The following BRINP3 variants were observed in gnomAD, a reference collection of about 807,000 sequenced individuals.
BRINP3 encodes BMP/retinoic acid inducible neural specific 3.
BRINP3 carries 19 observed loss-of-function variants against 71.0 expected under a neutral mutation model. The ratio of observed to expected loss-of-function variants is 0.27; its 90% CI spans 0.19 to 0.39. The LOEUF is 0.39. Ranked by LOEUF, BRINP3 falls within the 10% of genes least tolerant of loss-of-function variation. The pLI is 1.00. For synonymous variants in BRINP3, 380 were observed against 337.7 expected, an observed-to-expected ratio of 1.13 and a Z score of -1.37; for missense variants, 959 against 940.8, an observed-to-expected ratio of 1.02 and a Z score of -0.25.
chr1:190,264,959 T>C lies in BRINP3; in HGVS notation c.524A>G (p.Glu175Gly), dbSNP rs199548567. 5 of 1,613,012 alleles carry C rather than the reference T, an allele frequency of 3.1e-6. No individual in the cohort carries two copies. In the East Asian group the frequency reaches 1.1e-4, roughly 36 times the overall value. The stretch of plus-strand genomic sequence containing the variant: ...AGAAGCGGCTAGCTGATGTAGCGTC[T>C]CCAGAGTGACCGAAGAGCTATTGGT... Reference protein sequence around the residue: ...STTNSSSVTLETLHQLAASYF... With the variant: ...STTNSSSVTLGTLHQLAASYF... The change falls in exon 4 of 8, where the codon GAG (glutamate) becomes GGG (glycine). Residue 175 changes from glutamate to glycine, a missense_variant. Transcript: ENST00000367462.
intron 4 of BRINP3, among the ~76,000 whole-genome samples, chr1:190,247,696 T>C (rs1659736274): frequency 6.6e-6 from 1 of 151,608 alleles, no homozygotes; most frequent in Admixed American, 6.6e-5. Flanking sequence ...CTCTCTACTT[T>C]CAGGAATTCC....
Position 190,098,318 on chromosome 1 carries a change from T to A in BRINP3, c.2001A>T (p.Gln667His), listed in dbSNP as rs1334034798. The change falls in exon 8 of 8, where the codon CAA becomes CAT. Residue 667 changes from glutamine to histidine, a missense_variant. Coordinates refer to ENST00000367462, the MANE Select transcript of BRINP3 (RefSeq NM_199051.3). ...NLGYMKINNI[Q>H]VFGYSMHFDP... Reference sequence around the variant, plus strand: ...CAAAGTGCATGCTGTAGCCAAACACTTGAATGTTATTGATTTTCATATAGC... The same window carrying A: ...CAAAGTGCATGCTGTAGCCAAACACATGAATGTTATTGATTTTCATATAGC... The A allele has an allele frequency of 3.1e-6, 5 of 1,614,170 alleles. No individual in the cohort carries two copies. Among genetic ancestry groups the A allele is most frequent in the Admixed American group, 1.7e-5 (1 of 60,012 alleles).
chr1:190,238,615 C>T (rs1290130781), intron 4 of BRINP3, among the ~76,000 whole-genome samples: 2 of 152,056 alleles, frequency 1.3e-5, no homozygotes, highest in African/African-American at 4.8e-5. Flanking sequence ...GTCTTATAAG[C>T]ATACAAAGCC....
At chr1:190,319,728 G>A (rs1666112176) in intron 2 of BRINP3, among the ~76,000 whole-genome samples, 1 of 151,978 alleles carries the variant, frequency 6.6e-6, no homozygotes, top group Non-Finnish European at 1.5e-5. Flanking sequence ...CACCAAGGGG[G>A]ATGATGTGTG....
intron 2 of BRINP3, among the ~76,000 whole-genome samples, chr1:190,363,131 A>T (rs957265097): frequency 6.6e-6 from 1 of 152,166 alleles, no homozygotes; most frequent in Non-Finnish European, 1.5e-5. Context: ...GAGAGGGCCT[A>T]TTGGGATAGT....
At chr1:190,143,566 A>C (rs1655637957) in intron 7 of BRINP3, among the ~76,000 whole-genome samples, 1 of 152,190 alleles carries the variant, frequency 6.6e-6, no homozygotes, top group Non-Finnish European at 1.5e-5. Flanking sequence ...ACACCCCCAA[A>C]ACTGAGTTAT....
intron 2 of BRINP3, among the ~76,000 whole-genome samples, chr1:190,327,206 T>C (rs2103068005): frequency 6.7e-6 from 1 of 149,168 alleles, no homozygotes; most frequent in South Asian, 2.1e-4. Flanking sequence ...TCCCGGCTAC[T>C]TGGAAGGCTG....
At chr1:190,354,653 C>T (rs1001168087) in intron 2 of BRINP3, among the ~76,000 whole-genome samples, 1 of 151,870 alleles carries the variant, frequency 6.6e-6, no homozygotes, top group African/African-American at 2.4e-5. Context: ...TTAATTGCCA[C>T]CCTTTGTACA....
intron 2 of BRINP3, among the ~76,000 whole-genome samples, chr1:190,390,747 G>A (rs151098515): frequency 6.6e-6 from 1 of 151,788 alleles, no homozygotes; most frequent in African/African-American, 2.4e-5. Flanking sequence ...CATGGAAGCA[G>A]AGCATATTTC....
At chr1:190,244,149 C>T (rs747735644) in intron 4 of BRINP3, among the ~76,000 whole-genome samples, 4 of 152,070 alleles carry the variant, frequency 2.6e-5, no homozygotes, top group Non-Finnish European at 5.9e-5. Context: ...ATTCCCTCCA[C>T]TAAGTTCGTG....
chr1:190,287,989 T>G (rs981144206), intron 2 of BRINP3, among the ~76,000 whole-genome samples: 5 of 152,076 alleles, frequency 3.3e-5, no homozygotes, highest in Admixed American at 1.3e-4. Context: ...ATACAGAAAT[T>G]GATTAAGCTT....
intron 2 of BRINP3, among the ~76,000 whole-genome samples, chr1:190,411,939 G>A (rs924080616): frequency 2.0e-5 from 3 of 152,080 alleles, no homozygotes; most frequent in South Asian, 2.1e-4. Flanking sequence ...GAAAAAAATC[G>A]ACGACTGAAA....
At chr1:190,226,978 G>A (rs923846207) in intron 5 of BRINP3, among the ~76,000 whole-genome samples, 1 of 151,888 alleles carries the variant, frequency 6.6e-6, no homozygotes, top group Non-Finnish European at 1.5e-5. Flanking sequence ...GTTTAGTAAA[G>A]TTGCTATCTC....
chr1:190,285,080 G>T (rs148304414), intron 2 of BRINP3, among the ~76,000 whole-genome samples: 320 of 152,150 alleles, frequency 2.1e-3, no homozygotes, highest in African/African-American at 7.2e-3. Flanking sequence ...GGTTTGTACT[G>T]TCGTGAAATA....
At chr1:190,216,887 T>C (rs1656464033) in intron 6 of BRINP3, 1 of 151,964 alleles carries the variant, frequency 6.6e-6, no homozygotes, top group Non-Finnish European at 1.5e-5. Context: ...ATGAATATTC[T>C]CTTTTAATAA....
chr1:190,398,016 G>A (rs1026822761), intron 2 of BRINP3, among the ~76,000 whole-genome samples: 6 of 151,852 alleles, frequency 4.0e-5, no homozygotes, highest in Non-Finnish European at 5.9e-5. Flanking sequence ...TATGTACCTG[G>A]AGCATATGTT....
intron 2 of BRINP3, among the ~76,000 whole-genome samples, chr1:190,371,041 T>G (rs1669827368): frequency 6.6e-6 from 1 of 152,184 alleles, no homozygotes; most frequent in Admixed American, 6.5e-5. Context: ...GTTCAATTGC[T>G]ATTGAATTGA....
intron 7 of BRINP3, among the ~76,000 whole-genome samples, chr1:190,111,673 C>G (rs935544270): frequency 1.3e-5 from 2 of 152,102 alleles, no homozygotes; most frequent in Non-Finnish European, 2.9e-5. Flanking sequence ...CTACTTTCTG[C>G]TACTCACCCT....
Position 190,321,236 on chromosome 1 carries a change from C to A in BRINP3, c.237-39486G>T, listed in dbSNP as rs111298035. Reference sequence around the variant, plus strand: ...CTAATCTCTACCATAAATCCAATACCCAATAGCATGCATCAGAAATGGAAA... The same window carrying A: ...CTAATCTCTACCATAAATCCAATACACAATAGCATGCATCAGAAATGGAAA... On this transcript the variant is annotated intron_variant, in intron 2 of 7. Coordinates refer to ENST00000367462, the MANE Select transcript of BRINP3 (RefSeq NM_199051.3). 5.3e-3 allele frequency among the ~76,000 whole-genome samples: 809 copies of A among 151,996 alleles called. 7 individuals are homozygous for A. The highest frequency in any genetic ancestry group is 0.018 in the African/African-American group (760 of 41,480).
Sources: allele counts gnomAD v4.1 joint callset (sites outside exome capture counted in the v4.1 genomes callset), GRCh38; gene constraint gnomAD v4.1.1; transcripts MANE v1.5; gene names NCBI Gene and HGNC (gene_info 2026-07-23, HGNC 2026-07-21).